The following NDUFAF6 variants were observed in gnomAD, a reference collection of about 807,000 sequenced individuals.
NDUFAF6 encodes NADH:ubiquinone oxidoreductase complex assembly factor 6.
A neutral mutation model predicts 40.8 loss-of-function variants in NDUFAF6; 45 were observed. The ratio of observed to expected loss-of-function variants is 1.10; its 90% CI spans 0.87 to 1.42. The LOEUF (loss-of-function observed/expected upper bound fraction) is 1.42. Ranked by LOEUF, NDUFAF6 falls within the 40% of genes most tolerant of loss-of-function variation. NDUFAF6 has a pLI of 0.00. For missense variants in NDUFAF6, 435 were observed against 418.5 expected (o/e 1.04, Z -0.34); for synonymous variants, 185 against 155.9 (o/e 1.19, Z -1.39).
At chr8:95,052,316 C>CTAAAGAAG in intron 8 of NDUFAF6, 86 bp downstream of exon 8, 2 of 1,419,152 alleles carry the variant, frequency 1.4e-6, no homozygotes, top group Non-Finnish European at 2.0e-6. Flanking sequence ...TCCCAATGAA[C>CTAAAGAAG]TTCTTTAGTT....
At chr8:94,925,237 G>GAGTT (rs1348802727) in intron 1 of NDUFAF6, among the ~76,000 whole-genome samples, 1 of 152,182 alleles carries the variant, frequency 6.6e-6, no homozygotes, top group Non-Finnish European at 1.5e-5. Flanking sequence ...ATTCACATGG[G>GAGTT]AGTTATTCTT....
chr8:95,117,350 T>G (rs2132093499), downstream of NDUFAF6, among the ~76,000 whole-genome samples: 1 of 152,350 alleles, frequency 6.6e-6, no homozygotes, highest in Middle Eastern at 3.4e-3. Context: ...TTAAAGAGTC[T>G]GAACTTGAAA....
chr8:94,960,274 T>C (rs1019996414), intron 1 of NDUFAF6, among the ~76,000 whole-genome samples: 7 of 152,264 alleles, frequency 4.6e-5, no homozygotes, highest in African/African-American at 4.8e-5. Context: ...CATTTCCTTC[T>C]TGACATTGTG....
At chr8:94,992,967 T>C (rs555203399) in intron 2 of NDUFAF6, among the ~76,000 whole-genome samples, 1 of 152,360 alleles carries the variant, frequency 6.6e-6, no homozygotes, top group East Asian at 1.9e-4. Flanking sequence ...CCTCTGTAAG[T>C]GTATTAGTTT....
At chr8:95,102,426 A>G (rs1287319236) in intron 2 of NDUFAF6, among the ~76,000 whole-genome samples, 2 of 152,256 alleles carry the variant, frequency 1.3e-5, no homozygotes, top group Non-Finnish European at 2.9e-5. Flanking sequence ...GGGCTGAGAT[A>G]GAGCACCTAA....
chr8:95,092,747 G>C (rs1277765781), intron 2 of NDUFAF6, among the ~76,000 whole-genome samples: 1 of 152,028 alleles, frequency 6.6e-6, no homozygotes, highest in Admixed American at 6.6e-5. Context: ...ACCACGCCCG[G>C]CTAATTTTTT....
At chr8:95,060,181 C>G (rs1832537415), downstream of NDUFAF6, among the ~76,000 whole-genome samples, 1 of 152,142 alleles carries the variant, frequency 6.6e-6, no homozygotes, top group African/African-American at 2.4e-5. Context: ...TCTAGAGATT[C>G]AAGTGGAGTC....
intron 1 of NDUFAF6, among the ~76,000 whole-genome samples, chr8:94,972,838 G>C (rs1336655626): frequency 6.6e-6 from 1 of 151,932 alleles, no homozygotes; most frequent in East Asian, 1.9e-4. Context: ...AGTCGAGGCT[G>C]CAGTGAGCCA....
chr8:94,985,470 TATATATATATATA>T (rs1825742551), intron 2 of NDUFAF6, among the ~76,000 whole-genome samples: 2 of 910 alleles, frequency 2.2e-3, no homozygotes, highest in African/African-American at 8.3e-3. Context: ...ACAATAATTA[TATATATATATATA>T]TATATATATA....
chr8:95,057,084 A>G (rs1211474715), intron 8 of NDUFAF6, among the ~76,000 whole-genome samples: 1 of 152,160 alleles, frequency 6.6e-6, no homozygotes, highest in Admixed American at 6.5e-5. Flanking sequence ...GCAGAACTCT[A>G]GGGGGCGCTG....
chr8:95,061,198 A>G (rs142898353), downstream of NDUFAF6, among the ~76,000 whole-genome samples: 411 of 152,332 alleles, frequency 2.7e-3, 1 homozygote, highest in Middle Eastern at 0.037. Context: ...TTCTTAGGAA[A>G]GTTTGTGAAT....
rs564355473 is a variant in NDUFAF6, at chr8:95,009,716, G to A, written c.-83-22279G>A. ...AGTTGAGCTTCTCCTTTTTGTAAAG[G>A]AGGAAAAGCCAAGCAGAGATGTAAT... On this transcript the variant is annotated intron_variant, in intron 2 of 9. Transcript: ENST00000396111. Among the ~76,000 whole-genome samples, 11 of 152,122 alleles carry A rather than the reference G, an allele frequency of 7.2e-5. No homozygotes were observed. The South Asian group carries it at 1.2e-3, about 17-fold the overall frequency.
chr8:95,001,961 A>G (rs1004403361), intron 2 of NDUFAF6, among the ~76,000 whole-genome samples: 2 of 152,138 alleles, frequency 1.3e-5, no homozygotes, highest in Non-Finnish European at 2.9e-5. Flanking sequence ...AGCATTTTAC[A>G]GCCATTGTGT....
chr8:95,020,750 A>G (rs182777701), upstream of NDUFAF6, among the ~76,000 whole-genome samples: 19 of 152,294 alleles, frequency 1.2e-4, no homozygotes, highest in East Asian at 3.1e-3. Flanking sequence ...GAAAACATCT[A>G]CCTTTGGCAG....
intron 2 of NDUFAF6, among the ~76,000 whole-genome samples, chr8:94,997,131 G>T (rs1177959896): frequency 6.6e-6 from 1 of 152,174 alleles, no homozygotes; most frequent in African/African-American, 2.4e-5. Context: ...CCTGTTTGGA[G>T]TTTATCCTTC....
intron 1 of NDUFAF6, among the ~76,000 whole-genome samples, chr8:94,968,268 A>C (rs1404398787): frequency 6.6e-6 from 1 of 152,230 alleles, no homozygotes; most frequent in Non-Finnish European, 1.5e-5. Context: ...AAGGGCATGA[A>C]TACCAGGAAG....
At chr8:95,077,605 A>G (rs994095508), downstream of NDUFAF6, among the ~76,000 whole-genome samples, 1 of 152,208 alleles carries the variant, frequency 6.6e-6, no homozygotes, top group Non-Finnish European at 1.5e-5. Flanking sequence ...TCCATTTAGT[A>G]CTTTCAGATG....
intron 1 of NDUFAF6, among the ~76,000 whole-genome samples, chr8:94,904,312 T>C (rs559111169): frequency 1.5e-4 from 19 of 129,108 alleles, no homozygotes; most frequent in Admixed American, 4.2e-4. Context: ...CCTGGCTAAT[T>C]TTTTTTGCTT....
intron 4 of NDUFAF6, among the ~76,000 whole-genome samples, chr8:95,113,413 G>A (rs1587288829): frequency 6.6e-6 from 1 of 152,166 alleles, no homozygotes; most frequent in East Asian, 1.9e-4. Flanking sequence ...TCAACTCTGC[G>A]CCATCCCCAT....
Sources: allele counts gnomAD v4.1 joint callset (sites outside exome capture counted in the v4.1 genomes callset), GRCh38; gene constraint gnomAD v4.1.1; transcripts MANE v1.5; gene names NCBI Gene and HGNC (gene_info 2026-07-23, HGNC 2026-07-21).